The following DOCK8 variants were observed in gnomAD, a reference collection of about 807,000 sequenced individuals.
The protein encoded by DOCK8 is dedicator of cytokinesis 8, also known as dedicator of cytokinesis protein 8.
In DOCK8, 141 loss-of-function variants were observed where a neutral mutation model predicts 245.6. That is an observed-to-expected ratio of 0.57 (90% CI 0.50 to 0.66). The LOEUF (loss-of-function observed/expected upper bound fraction) is 0.66, where lower values mean the gene tolerates loss of function less well. Ranked by LOEUF, DOCK8 falls within the 30% of genes least tolerant of loss-of-function variation. The pLI, the probability that DOCK8 is intolerant of heterozygous loss-of-function variation, is 0.00. For missense variants in DOCK8, 2,965 were observed against 2,603.4 expected (o/e 1.14, Z -3.02); for synonymous variants, 1,168 against 970.2 (o/e 1.20, Z -3.79).
At chr9:414,991 C>T (rs752108576) in intron 29 of DOCK8, 40 bp downstream of exon 29, 7 of 1,610,538 alleles carry the variant, frequency 4.3e-6, no homozygotes, top group Admixed American at 1.7e-5. Flanking sequence ...TTGTTGGGGG[C>T]CCCTGCCAAA....
intron 6 of DOCK8, 146 bp from the exon 7 acceptor site, chr9:316,897 T>G: frequency 1.4e-6 from 1 of 695,134 alleles, no homozygotes; most frequent in Non-Finnish European, 2.6e-6. Context: ...AAGAGAAACT[T>G]TCTTATAAAA....
chr9:433,657 C>G (rs945483675), intron 37 of DOCK8, among the ~76,000 whole-genome samples: 1 of 152,212 alleles, frequency 6.6e-6, no homozygotes, highest in South Asian at 2.1e-4. Context: ...AGGCAGATTT[C>G]TGGATCTCAA....
chr9:318,797 G>C (rs141449362), intron 7 of DOCK8, among the ~76,000 whole-genome samples: 2 of 152,164 alleles, frequency 1.3e-5, no homozygotes, highest in Non-Finnish European at 2.9e-5. Context: ...GGAAGCCTTC[G>C]CTATTGTCTG....
intron 1 of DOCK8, chr9:215,618 A>ATACGGCGACCACCG: frequency 1.9e-5 from 10 of 516,896 alleles, no homozygotes; most frequent in South Asian, 1.7e-4. Context: ...GATTTTTTAA[A>ATACGGCGACCACCG]AAATCTACAC....
At chr9:350,522 C>A (rs1002941424) in intron 14 of DOCK8, among the ~76,000 whole-genome samples, 8 of 152,166 alleles carry the variant, frequency 5.3e-5, no homozygotes, top group African/African-American at 1.9e-4. Context: ...TTTCTTAGAA[C>A]ATCAATGAGA....
intron 1 of DOCK8, chr9:220,935 G>T (rs1382261183): frequency 4.3e-6 from 1 of 234,542 alleles, no homozygotes; most frequent in Non-Finnish European, 8.8e-6. Flanking sequence ...TGTTCAGGCT[G>T]GTCTAGTCTT....
At chr9:431,860 TGTATTCTTGGACCCA>T (rs1564061446) in intron 36 of DOCK8, among the ~76,000 whole-genome samples, 1 of 151,510 alleles carries the variant, frequency 6.6e-6, no homozygotes, top group Non-Finnish European at 1.5e-5. Context: ...AAGGATATAC[TGTATTCTTGGACCCA>T]ACTTTATAAG....
intron 26 of DOCK8, among the ~76,000 whole-genome samples, chr9:400,833 TCAC>T (rs1168702514): frequency 1.5e-3 from 5 of 3,420 alleles, no homozygotes; most frequent in East Asian, 0.011. Flanking sequence ...ACCATCACCA[TCAC>T]CACCACCTCC....
chr9:392,758 T>C (rs1368548744), intron 24 of DOCK8, among the ~76,000 whole-genome samples: 1 of 152,032 alleles, frequency 6.6e-6, no homozygotes, highest in Non-Finnish European at 1.5e-5. Flanking sequence ...AGCTCCATGC[T>C]CTGGCAGGAA....
At chr9:332,304 A>G in intron 9 of DOCK8, 94 bp from the exon 10 acceptor site, 1 of 867,626 alleles carries the variant, frequency 1.2e-6, no homozygotes, top group African/African-American at 1.7e-5. Flanking sequence ...TATGTCATCA[A>G]ATATTGTCAT....
At chr9:417,950 C>A in intron 29 of DOCK8, 118 bp from the exon 30 acceptor site, 1 of 1,288,390 alleles carries the variant, frequency 7.8e-7, no homozygotes. Flanking sequence ...TGCTAAACAT[C>A]AGGTTTGAAA....
intron 14 of DOCK8, among the ~76,000 whole-genome samples, chr9:359,072 A>G (rs1386306137): frequency 6.6e-6 from 1 of 152,224 alleles, no homozygotes; most frequent in African/African-American, 2.4e-5. Flanking sequence ...GTGCATTTCT[A>G]ACTGGCTCCC....
rs2131549548 is a variant in DOCK8 at position 407,027 on chromosome 9, T to C, written c.3488T>C (p.Leu1163Pro). 6.2e-7 allele frequency: 1 copy of C among 1,614,116 alleles called. No homozygotes were observed. ...YRQQHFLTGL[L>P]FTELAAALDA... is the part of the protein sequence containing the mutation. ...CAGCAGCACTTCCTCACCGGGCTCC[T>C]CTTCACAGAACTGGCTGCTGCCCTG... Residue 1163 changes from leucine to proline, a missense_variant, in exon 28 of 48, where the codon CTC (leucine) becomes CCC (proline). Around this residue, in one of 3 missense-constraint regions of DOCK8, gnomAD observed 2,825 missense variants for 2,453.5 expected, o/e 1.15. Transcript: ENST00000432829.
At chr9:295,852 A>G (rs1434173737) in intron 4 of DOCK8, among the ~76,000 whole-genome samples, 1 of 152,170 alleles carries the variant, frequency 6.6e-6, no homozygotes, top group Non-Finnish European at 1.5e-5. Flanking sequence ...TCTACAGGGC[A>G]TTTGCCACTC....
At chr9:336,836 A>C (rs2051334280) in intron 12 of DOCK8, 118 bp downstream of exon 12, 1 of 1,234,436 alleles carries the variant, frequency 8.1e-7, no homozygotes. Context: ...TCACTCTCTT[A>C]GTTCATTTTC....
intron 4 of DOCK8, among the ~76,000 whole-genome samples, chr9:292,370 A>G (rs1402958689): frequency 3.6e-5 from 4 of 111,700 alleles, no homozygotes; most frequent in Non-Finnish European, 6.8e-5. Context: ...CTGGGCAACA[A>G]GAGTGAAACT....
At chr9:411,920 G>A (rs903193823) in intron 28 of DOCK8, among the ~76,000 whole-genome samples, 4 of 152,122 alleles carry the variant, frequency 2.6e-5, no homozygotes, top group African/African-American at 9.7e-5. Context: ...AAACCTTTTA[G>A]GAAATAAGAG....
chr9:323,117 C>T (rs2050595020), intron 7 of DOCK8, among the ~76,000 whole-genome samples: 1 of 151,022 alleles, frequency 6.6e-6, no homozygotes, highest in Non-Finnish European at 1.5e-5. Flanking sequence ...AAGAAAGCCC[C>T]CAATTAATGT....
At chr9:233,792 T>A (rs539104558) in intron 1 of DOCK8, among the ~76,000 whole-genome samples, 1 of 152,152 alleles carries the variant, frequency 6.6e-6, no homozygotes, top group East Asian at 1.9e-4. Context: ...TATGTGTGTC[T>A]CTGCACGTGA....
Sources: allele counts gnomAD v4.1 joint callset (sites outside exome capture counted in the v4.1 genomes callset), GRCh38; gene constraint gnomAD v4.1.1; regional missense constraint gnomAD v4.1.1; transcripts MANE v1.5; gene names NCBI Gene and HGNC (gene_info 2026-07-23, HGNC 2026-07-21).